The following ZNF254 variants were observed in gnomAD, a reference collection of about 807,000 sequenced individuals.
The protein encoded by ZNF254 is CTD-2017D11.1.
In ZNF254, 10 loss-of-function variants were observed where a neutral mutation model predicts 12.4. The observed-to-expected ratio is 0.80, with a 90% CI of 0.50 to 1.36. The LOEUF (loss-of-function observed/expected upper bound fraction) is 1.36. ZNF254 is among the 40% of genes most tolerant of loss of function. The pLI is 0.00. For missense variants in ZNF254, 996 were observed against 763.9 expected (o/e 1.30, Z -3.58); for synonymous variants, 305 against 253.4 (o/e 1.20, Z -1.93).
chr19:24,047,083 G>C (rs1034461595), intron 2 of ZNF254, among the ~76,000 whole-genome samples: 4 of 151,858 alleles, frequency 2.6e-5, no homozygotes, highest in African/African-American at 7.3e-5. Context: ...TGGCCAGTCT[G>C]GTCTCGAACT....
chr19:24,096,233 A>G (rs1404322071), intron 1 of ZNF254, among the ~76,000 whole-genome samples: 1 of 151,416 alleles, frequency 6.6e-6, no homozygotes, highest in Non-Finnish European at 1.5e-5. Context: ...TAATTTTTGT[A>G]ATTTTAGTAG....
intron 3 of ZNF254, among the ~76,000 whole-genome samples, chr19:24,111,428 T>C (rs1020992148): frequency 5.3e-5 from 8 of 152,106 alleles, no homozygotes; most frequent in Admixed American, 2.0e-4. Flanking sequence ...TGCATGTGTC[T>C]TTATAGCAGC....
exon 2 of ZNF254, chr19:24,046,186 C>G (rs1349440859): frequency 6.6e-6 from 1 of 151,746 alleles, no homozygotes; most frequent in Non-Finnish European, 1.5e-5. Context: ...AAAAACAGGT[C>G]TTGCCATCTC....
intron 2 of ZNF254, among the ~76,000 whole-genome samples, chr19:24,049,779 T>G (rs1488685383): frequency 6.6e-6 from 1 of 152,100 alleles, no homozygotes; most frequent in Non-Finnish European, 1.5e-5. Context: ...GTGATGTAAC[T>G]CTACTGCTTA....
chr19:24,126,763 A>G lies in ZNF254; in HGVS notation c.763A>G (p.Thr255Ala). 2 of 1,613,386 alleles carry G rather than the reference A, an allele frequency of 1.2e-6. No homozygotes were observed. The highest frequency in any genetic ancestry group is 1.7e-6 in the Non-Finnish European group (2 of 1,179,774). ...TCCTAAGCAACTCTCAACCCTTACT[A>G]CACATGAAATAATTCATGCTGGAGA... is the stretch of plus-strand genomic sequence containing the variant. ...KSPKQLSTLT[T>A]HEIIHAGEKL... Residue 255 changes from threonine to alanine, a missense_variant, in exon 4 of 4, where the codon ACA becomes GCA. Coordinates refer to ENST00000357002, the MANE Select transcript of ZNF254 (RefSeq NM_203282.4).
chr19:24,125,325 A>G (rs1974760012), intron 3 of ZNF254, among the ~76,000 whole-genome samples: 1 of 122,372 alleles, frequency 8.2e-6, no homozygotes, highest in Non-Finnish European at 1.8e-5. Flanking sequence ...TCTTGTCCTC[A>G]TTTTTCTGAT....
At chr19:24,062,226 C>A (rs555541650) in intron 2 of ZNF254, among the ~76,000 whole-genome samples, 68 of 152,174 alleles carry the variant, frequency 4.5e-4, no homozygotes, top group African/African-American at 1.6e-3. Flanking sequence ...TACCATAGGA[C>A]CCAGCAAACA....
chr19:24,090,761 T>C (rs1165190645), intron 1 of ZNF254, among the ~76,000 whole-genome samples: 1 of 152,162 alleles, frequency 6.6e-6, no homozygotes, highest in Non-Finnish European at 1.5e-5. Flanking sequence ...AACTGTGTAT[T>C]GCATTTTATT....
intron 2 of ZNF254, among the ~76,000 whole-genome samples, chr19:24,064,928 A>C (rs1383772387): frequency 6.6e-6 from 1 of 152,110 alleles, no homozygotes; most frequent in African/African-American, 2.4e-5. Flanking sequence ...CTTTTCATTC[A>C]TTATCTTGGC....
chr19:24,098,896 T>C (rs939996740), intron 1 of ZNF254: 1 of 151,312 alleles, frequency 6.6e-6, no homozygotes, highest in Non-Finnish European at 1.5e-5. Context: ...ATAGAAACTG[T>C]GGCTTAAACA....
At chr19:24,124,233 A>C (rs1365033008) in intron 3 of ZNF254, among the ~76,000 whole-genome samples, 1 of 152,082 alleles carries the variant, frequency 6.6e-6, no homozygotes, top group African/African-American at 2.4e-5. Context: ...TGCGTACAAA[A>C]ATTTGTTCTT....
intron 3 of ZNF254, among the ~76,000 whole-genome samples, chr19:24,114,026 G>A (rs1320009456): frequency 6.6e-6 from 1 of 151,756 alleles, no homozygotes; most frequent in African/African-American, 2.4e-5. Context: ...TGAAATAAAA[G>A]AGGATACAAA....
At chr19:24,125,533 A>AGCT (rs1974777138) in intron 3 of ZNF254, among the ~76,000 whole-genome samples, 1 of 152,132 alleles carries the variant, frequency 6.6e-6, no homozygotes, top group Non-Finnish European at 1.5e-5. Flanking sequence ...ACTTGTCAAA[A>AGCT]TCTTATAATG....
intron 2 of ZNF254, among the ~76,000 whole-genome samples, chr19:24,057,648 C>T: frequency 6.6e-6 from 1 of 152,220 alleles, no homozygotes; most frequent in Non-Finnish European, 1.5e-5. Context: ...TTCTGAATCT[C>T]ATATCCAGAG....
chr19:24,126,843 T>G lies in ZNF254; in HGVS notation c.843T>G (p.Leu281=), dbSNP rs1444926967. 1.2e-6 allele frequency: 2 copies of G among 1,613,320 alleles called. No homozygotes were observed. Among genetic ancestry groups the G allele is most frequent in the Admixed American group, 3.3e-5 (2 of 59,856 alleles). The change falls in exon 4 of 4, where the codon CTT becomes CTG. Residue 281 remains leucine, a synonymous_variant. Transcript: ENST00000357002. ...AAGCTTTTAATCGATCCTCAAATCT[T>G]ACTACACATAAGATAATTCATACTG... ...CGEAFNRSSN[L]TTHKIIHTGE...
At chr19:24,078,426 T>G (rs1971736106) in intron 2 of ZNF254, 1 of 152,242 alleles carries the variant, frequency 6.6e-6, no homozygotes, top group African/African-American at 2.4e-5. Context: ...CTTATGCATT[T>G]AAATATGAAT....
chr19:24,052,555 C>T (rs1352346719), intron 2 of ZNF254, among the ~76,000 whole-genome samples: 1 of 151,794 alleles, frequency 6.6e-6, no homozygotes, highest in Non-Finnish European at 1.5e-5. Context: ...ATGTGTTTTT[C>T]CTGCCTGGTC....
Position 24,129,859 on chromosome 19 carries a change from T to C in ZNF254, c.*1879T>C, listed in dbSNP as rs1330683437. 6.6e-6 allele frequency: 1 copy of C among 152,008 alleles called. No homozygotes were observed. Among genetic ancestry groups the C allele is most frequent in the African/African-American group, 2.4e-5 (1 of 41,422 alleles). The allele number at this position is 152,008 out of a possible 1,614,324, so 9.4% of individuals were successfully genotyped here. A position where few individuals can be genotyped will look rare whatever the true frequency, so the allele number is the denominator to read the frequency against. Reference sequence around the variant, plus strand: ...ATATTTTTAAAAATTTTAATATATTTTTCTTTGAATATGTGACCTTTGCCT... The same window carrying C: ...ATATTTTTAAAAATTTTAATATATTCTTCTTTGAATATGTGACCTTTGCCT... On this transcript the variant is annotated 3_prime_UTR_variant, in exon 4 of 4. Coordinates refer to ENST00000357002, the MANE Select transcript of ZNF254 (RefSeq NM_203282.4).
intron 3 of ZNF254, among the ~76,000 whole-genome samples, chr19:24,110,416 A>C (rs970486642): frequency 4.0e-5 from 6 of 151,804 alleles, no homozygotes; most frequent in Non-Finnish European, 7.4e-5. Flanking sequence ...TTTTTCTAAG[A>C]AATAGCCAGG....
Sources: allele counts gnomAD v4.1 joint callset (sites outside exome capture counted in the v4.1 genomes callset), GRCh38; gene constraint gnomAD v4.1.1; transcripts MANE v1.5; gene names NCBI Gene and HGNC (gene_info 2026-07-23, HGNC 2026-07-21).